The following CNTNAP2 variants were observed in gnomAD, a reference collection of about 807,000 sequenced individuals.
CNTNAP2 encodes the protein contactin-associated protein-like 2.
In CNTNAP2, 98 loss-of-function variants were observed where a neutral mutation model predicts 155.2. The observed-to-expected ratio is 0.63, with a 90% CI of 0.54 to 0.75. The LOEUF (loss-of-function observed/expected upper bound fraction) is 0.75, where lower values mean the gene tolerates loss of function less well. CNTNAP2 is among the 30% of genes least tolerant of loss of function. The pLI, the probability that CNTNAP2 is intolerant of heterozygous loss-of-function variation, is 0.00. For missense variants in CNTNAP2, 1,727 were observed against 1,688.1 expected (o/e 1.02, Z -0.40); for synonymous variants, 651 against 631.2 (o/e 1.03, Z -0.47).
chr7:147,438,477 A>T (rs962923509), intron 10 of CNTNAP2, among the ~76,000 whole-genome samples: 2 of 147,232 alleles, frequency 1.4e-5, no homozygotes, highest in Non-Finnish European at 3.0e-5. Context: ...ATGGTGAATT[A>T]TTTTTTTTTT....
At chr7:147,319,715 T>C (rs944082261) in intron 9 of CNTNAP2, among the ~76,000 whole-genome samples, 1 of 152,040 alleles carries the variant, frequency 6.6e-6, no homozygotes, top group African/African-American at 2.4e-5. Context: ...ATATTGAAAA[T>C]ATTATAGATA....
At chr7:147,071,752 A>T (rs1277796456) in intron 4 of CNTNAP2, among the ~76,000 whole-genome samples, 1 of 152,224 alleles carries the variant, frequency 6.6e-6, no homozygotes, top group Admixed American at 6.5e-5. Context: ...CAAGTTAATG[A>T]ATGACCAAAA....
chr7:147,025,561 C>G (rs1243442668), intron 3 of CNTNAP2, among the ~76,000 whole-genome samples: 1 of 150,788 alleles, frequency 6.6e-6, no homozygotes, highest in African/African-American at 2.4e-5. Flanking sequence ...CCCATATCAT[C>G]CAATCACCTC....
At chr7:147,299,501 A>C (rs1794902062) in intron 8 of CNTNAP2, among the ~76,000 whole-genome samples, 1 of 151,720 alleles carries the variant, frequency 6.6e-6, no homozygotes, top group Admixed American at 6.6e-5. Flanking sequence ...AGATAATCCT[A>C]TCATTATTTT....
At chr7:146,406,237 A>G (rs1332916619) in intron 1 of CNTNAP2, among the ~76,000 whole-genome samples, 1 of 152,220 alleles carries the variant, frequency 6.6e-6, no homozygotes, top group Middle Eastern at 3.2e-3. Context: ...TGCAGTGGTG[A>G]CCTTAGGACA....
chr7:147,096,974 C>G (rs952258110), intron 4 of CNTNAP2, among the ~76,000 whole-genome samples: 1 of 152,008 alleles, frequency 6.6e-6, no homozygotes, highest in African/African-American at 2.4e-5. Flanking sequence ...TTTACTAAGC[C>G]TATTTTATGG....
intron 1 of CNTNAP2, among the ~76,000 whole-genome samples, chr7:146,646,333 T>C (rs1156730940): frequency 6.6e-6 from 1 of 152,210 alleles, no homozygotes; most frequent in Non-Finnish European, 1.5e-5. Flanking sequence ...TGTGTGTGTG[T>C]GCACGTGCAC....
chr7:146,977,797 G>A (rs552435548), intron 3 of CNTNAP2, among the ~76,000 whole-genome samples: 4 of 152,094 alleles, frequency 2.6e-5, no homozygotes, highest in South Asian at 2.1e-4. Flanking sequence ...ATGCCTTTGC[G>A]CTGTCTGAGT....
intron 13 of CNTNAP2, among the ~76,000 whole-genome samples, chr7:147,649,638 C>T (rs904497549): frequency 6.6e-6 from 1 of 151,882 alleles, no homozygotes; most frequent in Non-Finnish European, 1.5e-5. Context: ...TATAGAGTTG[C>T]ATTTAAACTA....
intron 1 of CNTNAP2, among the ~76,000 whole-genome samples, chr7:146,762,779 C>G (rs1309697817): frequency 2.0e-5 from 3 of 152,140 alleles, no homozygotes; most frequent in Non-Finnish European, 4.4e-5. Context: ...AAAGTCATGT[C>G]TTACATGGTG....
intron 3 of CNTNAP2, among the ~76,000 whole-genome samples, chr7:146,927,105 A>G (rs1205691846): frequency 6.6e-6 from 1 of 152,120 alleles, no homozygotes. Context: ...AAATTCCAAC[A>G]GTCTTTCTCT....
At chr7:146,218,882 G>A (rs1431817737) in intron 1 of CNTNAP2, among the ~76,000 whole-genome samples, 1 of 152,136 alleles carries the variant, frequency 6.6e-6, no homozygotes, top group Admixed American at 6.5e-5. Flanking sequence ...CTCTCTGGAA[G>A]GGCAGCTCCA....
rs80277001 is a variant in CNTNAP2, at chr7:147,810,973, C to T, written c.2099-92592C>T. Among the ~76,000 whole-genome samples, 20 of 152,300 alleles carry T rather than the reference C, an allele frequency of 1.3e-4. No homozygotes were observed. The East Asian group carries it at 3.1e-3, about 24-fold the overall frequency. ...GGCTGGGAATCCTGTTCAAGAGAGG[C>T]ACTCAGTTACAGTGTACATGTCAGA... On this transcript the variant is annotated intron_variant, in intron 13 of 23. Transcript: ENST00000361727.
intron 13 of CNTNAP2, among the ~76,000 whole-genome samples, chr7:147,854,210 T>G (rs1489631527): frequency 6.6e-6 from 1 of 152,124 alleles, no homozygotes; most frequent in African/African-American, 2.4e-5. Context: ...TAGAGAAGAG[T>G]TGCCGTTATT....
intron 9 of CNTNAP2, among the ~76,000 whole-genome samples, chr7:147,367,591 TC>T (rs2116907921): frequency 6.6e-6 from 1 of 152,226 alleles, no homozygotes; most frequent in East Asian, 1.9e-4. Flanking sequence ...TCCCATGCTA[TC>T]ATGTGACTCA....
At chr7:146,770,926 A>G (rs1802283504) in intron 1 of CNTNAP2, among the ~76,000 whole-genome samples, 1 of 152,190 alleles carries the variant, frequency 6.6e-6, no homozygotes, top group African/African-American at 2.4e-5. Flanking sequence ...ATGCATTATT[A>G]TCAAGTATGA....
chr7:147,339,181 G>A (rs955589224), intron 9 of CNTNAP2, among the ~76,000 whole-genome samples: 1 of 143,558 alleles, frequency 7.0e-6, no homozygotes, highest in Admixed American at 7.1e-5. Flanking sequence ...CTGTGGTTTG[G>A]ATGTGATTTG....
intron 1 of CNTNAP2, among the ~76,000 whole-genome samples, chr7:146,588,595 C>G (rs1798733884): frequency 6.6e-6 from 1 of 151,982 alleles, no homozygotes; most frequent in Non-Finnish European, 1.5e-5. Flanking sequence ...CAGTCTCGAC[C>G]TCCCCAAGCT....
At chr7:147,611,474 T>A (rs1329419327) in intron 12 of CNTNAP2, among the ~76,000 whole-genome samples, 2 of 152,164 alleles carry the variant, frequency 1.3e-5, no homozygotes, top group Non-Finnish European at 2.9e-5. Context: ...ATCTCTACAA[T>A]GGAATAAAAA....
Sources: gnomAD v4.1 joint callset for allele counts (sites outside exome capture counted in the v4.1 genomes callset) on GRCh38, gnomAD v4.1.1 for gene constraint, MANE v1.5 for transcripts, NCBI Gene and HGNC (gene_info 2026-07-23, HGNC 2026-07-21) for gene names.